Variants in VPS13A observed in about 807,000 individuals in gnomAD.
VPS13A encodes vacuolar protein sorting 13 homolog A, also known as intermembrane lipid transfer protein VPS13A.
A neutral mutation model predicts 390.9 loss-of-function variants in VPS13A; 264 were observed. The observed-to-expected ratio is 0.68, with a 90% CI of 0.61 to 0.75. The LOEUF (loss-of-function observed/expected upper bound fraction) is 0.75. VPS13A is among the 30% of genes least tolerant of loss of function. VPS13A has a pLI of 0.00. For missense variants in VPS13A, 3,409 were observed against 3,733.9 expected (o/e 0.91, Z 2.27); for synonymous variants, 1,231 against 1,227.1 (o/e 1.00, Z -0.07).
chr9:77,263,744 G>A (rs967113168), intron 23 of VPS13A, among the ~76,000 whole-genome samples: 3 of 152,154 alleles, frequency 2.0e-5, no homozygotes, highest in Admixed American at 1.3e-4. Flanking sequence ...AAGCTCATTA[G>A]TTTAATTAGA....
chr9:77,214,083 A>G (rs1388901382), intron 9 of VPS13A, among the ~76,000 whole-genome samples: 1 of 151,914 alleles, frequency 6.6e-6, no homozygotes, highest in Non-Finnish European at 1.5e-5. Flanking sequence ...CAAGACCAGC[A>G]TAGCCAACAT....
At chr9:77,348,183 C>T (rs1831257015) in intron 52 of VPS13A, among the ~76,000 whole-genome samples, 1 of 152,104 alleles carries the variant, frequency 6.6e-6, no homozygotes, top group South Asian at 2.1e-4. Context: ...CACATGTTCA[C>T]CGCAGCACTA....
At chr9:77,233,132 G>A (rs1332964502) in intron 17 of VPS13A, among the ~76,000 whole-genome samples, 1 of 151,792 alleles carries the variant, frequency 6.6e-6, no homozygotes, top group African/African-American at 2.4e-5. Flanking sequence ...ATTTCTTCTC[G>A]AGGCAGTTTT....
intron 45 of VPS13A, among the ~76,000 whole-genome samples, chr9:77,327,388 T>G (rs1336500461): frequency 6.6e-6 from 1 of 152,184 alleles, no homozygotes. Context: ...TTCTTACAGG[T>G]ACTATGTGTA....
intron 1 of VPS13A, among the ~76,000 whole-genome samples, chr9:77,190,280 T>G (rs1173955283): frequency 6.6e-6 from 1 of 152,236 alleles, no homozygotes; most frequent in Non-Finnish European, 1.5e-5. Context: ...TGATGCTTAG[T>G]CTTTTGAGGG....
At chr9:77,395,500 C>G (rs1834084743) in intron 68 of VPS13A, among the ~76,000 whole-genome samples, 1 of 152,076 alleles carries the variant, frequency 6.6e-6, no homozygotes, top group South Asian at 2.1e-4. Context: ...TAAGAATTAA[C>G]AAAATGTGAC....
chr9:77,358,323 A>G, intron 56 of VPS13A, 34 bp from the exon 57 acceptor site: 3 of 1,498,878 alleles, frequency 2.0e-6, no homozygotes, highest in Middle Eastern at 1.8e-4. Context: ...TATAATTGAC[A>G]TATTAATATA....
chr9:77,221,039 G>A (rs1823180401), intron 12 of VPS13A, 146 bp from the exon 13 acceptor site: 1 of 789,610 alleles, frequency 1.3e-6, no homozygotes, highest in South Asian at 1.6e-5. Flanking sequence ...TGCAAATGGA[G>A]TTGGGTAAAA....
chr9:77,256,165 A>G (rs921763074), intron 22 of VPS13A, among the ~76,000 whole-genome samples: 10 of 151,974 alleles, frequency 6.6e-5, no homozygotes, highest in African/African-American at 2.4e-4. Context: ...CTTTTGCTGC[A>G]TCCTATGAAT....
At position 77,184,542 on chromosome 9, in the gene VPS13A, A is replaced by G. The variant is rs148992455; in HGVS notation, c.100+6738A>G. ...GCTGAGACACGAGAATCGCTTGAAC[A>G]TGGGAGGCGGAGGTTGCAGTGAGCC... On this transcript the variant is annotated intron_variant, in intron 1 of 71. Coordinates refer to ENST00000360280, the MANE Select transcript of VPS13A (RefSeq NM_033305.3). Among the ~76,000 whole-genome samples, 1,234 of 152,192 alleles carry G rather than the reference A, an allele frequency of 8.1e-3. 12 individuals carry two copies. Among genetic ancestry groups the G allele is most frequent in the African/African-American group, 0.028 (1,161 of 41,524 alleles).
chr9:77,226,382 G>A, intron 14 of VPS13A, 84 bp from the exon 15 acceptor site: 2 of 1,307,018 alleles, frequency 1.5e-6, no homozygotes, highest in Admixed American at 3.5e-5. Context: ...AAGAGGATAA[G>A]TTCTCAGAAT....
At chr9:77,353,067 A>G (rs1004954560) in intron 53 of VPS13A, among the ~76,000 whole-genome samples, 5 of 152,124 alleles carry the variant, frequency 3.3e-5, no homozygotes, top group Admixed American at 1.3e-4. Flanking sequence ...CTTTTAATAC[A>G]TATCACATTG....
At position 77,416,221 on chromosome 9, in the gene VPS13A, A is replaced by T; in HGVS notation, c.*215A>T. 3 of 504,820 alleles carry T rather than the reference A, an allele frequency of 5.9e-6. No individual in the cohort carries two copies. The South Asian group carries it at 7.1e-5, about 12-fold the overall frequency. The allele number at this position is 504,820 out of a possible 1,614,324, so 31.3% of individuals were successfully genotyped here. On this transcript the variant is annotated 3_prime_UTR_variant, in exon 72 of 72. Transcript: ENST00000360280. ...ATTAAAATATTTTAATTCTTCAGCA[A>T]TTACCCGGTTTTCTAAATTGAATCA...
rs150538561 is a variant in VPS13A at position 77,261,814 on chromosome 9, A to C, written c.2427+1590A>C. 8.5e-3 allele frequency among the ~76,000 whole-genome samples: 1,288 copies of C among 152,176 alleles called. 10 individuals are homozygous for C. The highest frequency in any genetic ancestry group is 0.014 in the South Asian group (67 of 4,824). ...TGGCCAGGCTGGTCTTAAAATCCTGACCTCAAGTGATCTGCCTGCACTGGG... is the reference window on the plus strand; with the variant it reads ...TGGCCAGGCTGGTCTTAAAATCCTGCCCTCAAGTGATCTGCCTGCACTGGG... On this transcript the variant is annotated intron_variant, in intron 23 of 71. Coordinates refer to ENST00000360280, the MANE Select transcript of VPS13A (RefSeq NM_033305.3).
intron 17 of VPS13A, among the ~76,000 whole-genome samples, chr9:77,237,319 G>T (rs1011898642): frequency 2.0e-5 from 3 of 152,068 alleles, no homozygotes; most frequent in Admixed American, 2.0e-4. Context: ...TCCTCACATA[G>T]TCATTCTCGA....
chr9:77,212,952 T>G lies in VPS13A; in HGVS notation c.556-17T>G, dbSNP rs1235590768. ...TGGAATGACCTTTTTACTGCCATTGTTTTTTTTCCTTTTCAGACAACTGAT... is the reference window on the plus strand; with the variant it reads ...TGGAATGACCTTTTTACTGCCATTGGTTTTTTTCCTTTTCAGACAACTGAT... On this transcript the variant is annotated splice_polypyrimidine_tract_variant and intron_variant, in intron 7 of 71. Coordinates refer to ENST00000360280, the MANE Select transcript of VPS13A (RefSeq NM_033305.3). The G allele has an allele frequency of 6.2e-7, 1 of 1,612,364 alleles. No individual in the cohort carries two copies. Among genetic ancestry groups the G allele is most frequent in the Non-Finnish European group, 8.5e-7 (1 of 1,178,764 alleles).
chr9:77,315,912 TAGAA>T (rs960245674), intron 38 of VPS13A, among the ~76,000 whole-genome samples: 2 of 152,002 alleles, frequency 1.3e-5, no homozygotes, highest in African/African-American at 4.8e-5. Flanking sequence ...TGTGGTATAG[TAGAA>T]AGAGTATCAA....
At chr9:77,206,481 C>T (rs1160036811) in intron 5 of VPS13A, among the ~76,000 whole-genome samples, 1 of 151,986 alleles carries the variant, frequency 6.6e-6, no homozygotes, top group Non-Finnish European at 1.5e-5. Context: ...TTTGGAGATA[C>T]TTAGTTTCTT....
Position 77,307,975 on chromosome 9 carries a change from A to G in VPS13A, c.3991A>G (p.Ile1331Val). Reference sequence around the variant, plus strand: ...TCTTAGTCAAGAAGATATAACAACTATTTTTAAAACATTGCATGGCAATAT... The same window carrying G: ...TCTTAGTCAAGAAGATATAACAACTGTTTTTAAAACATTGCATGGCAATAT... ...FILSQEDITT[I>V]FKTLHGNIWY... The change falls in exon 35 of 72, where the codon ATT becomes GTT. Residue 1331 changes from isoleucine to valine, a missense_variant. This residue lies in a region of VPS13A where 2,717 missense variants were observed against 2,917.4 expected (regional missense o/e 0.93). Transcript: ENST00000360280. The G allele has an allele frequency of 6.2e-7, 1 of 1,600,656 alleles. No homozygotes were observed. Among genetic ancestry groups the G allele is most frequent in the Non-Finnish European group, 8.6e-7 (1 of 1,167,910 alleles).
Sources: allele counts gnomAD v4.1 joint callset (sites outside exome capture counted in the v4.1 genomes callset), GRCh38; gene constraint gnomAD v4.1.1; regional missense constraint gnomAD v4.1.1; transcripts MANE v1.5; gene names NCBI Gene and HGNC (gene_info 2026-07-23, HGNC 2026-07-21).